Variants in SLC26A7 observed in about 807,000 individuals in gnomAD.
SLC26A7 encodes anion exchange transporter.
Under a neutral mutation model 82.5 loss-of-function variants are expected in SLC26A7, and 59 were observed. The observed-to-expected ratio is 0.72, with a 90% CI of 0.58 to 0.89. SLC26A7 has a LOEUF of 0.89. SLC26A7 is among the 40% of genes least tolerant of loss of function. The pLI, the probability that SLC26A7 is intolerant of heterozygous loss-of-function variation, is 0.00. For synonymous variants in SLC26A7, 271 were observed against 274.3 expected (o/e 0.99, Z 0.12); for missense variants, 820 against 793.0 (o/e 1.03, Z -0.41).
At chr8:91,347,879 C>CA (rs1322791758) in intron 9 of SLC26A7, among the ~76,000 whole-genome samples, 12 of 152,238 alleles carry the variant, frequency 7.9e-5, no homozygotes, top group African/African-American at 1.9e-4. Context: ...ACAAATAGCA[C>CA]AAAAAAATTA....
At chr8:91,226,706 A>T (rs185908699) in intron 2 of SLC26A7, among the ~76,000 whole-genome samples, 104 of 152,348 alleles carry the variant, frequency 6.8e-4, no homozygotes, top group African/African-American at 2.3e-3. Flanking sequence ...TAACAATATA[A>T]TGATAAGTAC....
At chr8:91,329,211 CTATT>C (rs1813011885) in intron 5 of SLC26A7, among the ~76,000 whole-genome samples, 1 of 151,462 alleles carries the variant, frequency 6.6e-6, no homozygotes, top group Non-Finnish European at 1.5e-5. Context: ...GCCTGGAACT[CTATT>C]AAATAAGCAT....
chr8:91,353,937 T>C (rs912603330), intron 11 of SLC26A7, among the ~76,000 whole-genome samples: 1 of 151,964 alleles, frequency 6.6e-6, no homozygotes, highest in African/African-American at 2.4e-5. Context: ...GGATACAACA[T>C]GACCTGGAAG....
chr8:91,373,858 C>A (rs754667105), intron 15 of SLC26A7, among the ~76,000 whole-genome samples: 16 of 151,866 alleles, frequency 1.1e-4, no homozygotes, highest in Non-Finnish European at 1.5e-4. Flanking sequence ...TGGTCCTGGA[C>A]TTCTTTTTGG....
chr8:91,375,202 A>G (rs947866547), intron 15 of SLC26A7, among the ~76,000 whole-genome samples: 1 of 152,012 alleles, frequency 6.6e-6, no homozygotes, highest in Non-Finnish European at 1.5e-5. Context: ...TTGCCAAGCC[A>G]TATCTTTTAA....
chr8:91,346,352 C>T (rs1049820025), intron 9 of SLC26A7, among the ~76,000 whole-genome samples: 3 of 151,980 alleles, frequency 2.0e-5, no homozygotes, highest in South Asian at 2.1e-4. Context: ...GACATGGTTC[C>T]GAGGAAGCAC....
intron 2 of SLC26A7, among the ~76,000 whole-genome samples, chr8:91,270,871 C>T (rs1268357377): frequency 4.6e-5 from 7 of 152,166 alleles, no homozygotes; most frequent in Non-Finnish European, 1.0e-4. Flanking sequence ...GACTGTATTA[C>T]TGGTTATCCA....
intron 2 of SLC26A7, among the ~76,000 whole-genome samples, chr8:91,257,925 AC>A (rs1440252197): frequency 2.6e-5 from 4 of 152,094 alleles, no homozygotes; most frequent in African/African-American, 9.7e-5. Context: ...CGGGAAACTT[AC>A]AATCATGGCG....
At chr8:91,386,128 A>G (rs1814793158) in intron 15 of SLC26A7, among the ~76,000 whole-genome samples, 1 of 152,158 alleles carries the variant, frequency 6.6e-6, no homozygotes. Context: ...GGGATGATTG[A>G]ACTCATGTCA....
chr8:91,221,892 T>G (rs1204302521), intron 2 of SLC26A7, among the ~76,000 whole-genome samples: 1 of 152,152 alleles, frequency 6.6e-6, no homozygotes, highest in African/African-American at 2.4e-5. Context: ...AAATAGTTTT[T>G]TTTTATTTCT....
chr8:91,280,967 A>G (rs1040924672), intron 2 of SLC26A7, among the ~76,000 whole-genome samples: 1 of 152,156 alleles, frequency 6.6e-6, no homozygotes, highest in East Asian at 1.9e-4. Context: ...GTAGTTTCCT[A>G]ACTGCTCTTT....
chr8:91,239,360 A>G (rs1470906667), intron 2 of SLC26A7, among the ~76,000 whole-genome samples: 23 of 132,082 alleles, frequency 1.7e-4, no homozygotes, highest in Admixed American at 1.1e-3. Context: ...TGGGCGACAG[A>G]GCGAGACTCC....
chr8:91,228,745 C>A (rs979435259), intron 2 of SLC26A7, among the ~76,000 whole-genome samples: 1 of 152,120 alleles, frequency 6.6e-6, no homozygotes, highest in Non-Finnish European at 1.5e-5. Context: ...CCTGTGATTT[C>A]TTTCTGGTGT....
chr8:91,314,532 T>G (rs1208783109), intron 4 of SLC26A7, among the ~76,000 whole-genome samples: 1 of 152,192 alleles, frequency 6.6e-6, no homozygotes. Context: ...CTTTCCTACT[T>G]CTCTTCTTCC....
Position 91,395,259 on chromosome 8 carries a change from C to T in SLC26A7, c.*162C>T. The T allele has an allele frequency of 7.2e-7, 1 of 1,392,236 alleles. No homozygotes were observed. 86.2% of individuals were successfully genotyped at this position (1,392,236 alleles called of 1,614,324 possible). A position where few individuals can be genotyped will look rare whatever the true frequency, so the allele number is the denominator to read the frequency against. On this transcript the variant is annotated 3_prime_UTR_variant, in exon 19 of 19. Coordinates refer to ENST00000276609, the MANE Select transcript of SLC26A7 (RefSeq NM_052832.4). ...CTGCATAGCAGTTGGAAAGAACTGC[C>T]AACTTTTTTTTCTCATTTTTGTTAG...
chr8:91,389,030 A>T (rs1814880541), intron 15 of SLC26A7, among the ~76,000 whole-genome samples: 1 of 152,208 alleles, frequency 6.6e-6, no homozygotes, highest in South Asian at 2.1e-4. Flanking sequence ...CTTGCCAGAT[A>T]TTCTTTAAAA....
chr8:91,387,192 A>G (rs1007598216), intron 15 of SLC26A7, among the ~76,000 whole-genome samples: 1 of 152,168 alleles, frequency 6.6e-6, no homozygotes, highest in African/African-American at 2.4e-5. Flanking sequence ...GTATTTTTCT[A>G]TTTCCTGCAA....
intron 15 of SLC26A7, among the ~76,000 whole-genome samples, chr8:91,378,334 A>G (rs1298208207): frequency 6.8e-6 from 1 of 148,080 alleles, no homozygotes; most frequent in Non-Finnish European, 1.5e-5. Context: ...CAAGAAATAA[A>G]TGAAATATAT....
At chr8:91,275,323 G>A (rs1324041563) in intron 2 of SLC26A7, among the ~76,000 whole-genome samples, 17 of 152,156 alleles carry the variant, frequency 1.1e-4, no homozygotes, top group Non-Finnish European at 2.9e-5. Flanking sequence ...TTTTGAGACA[G>A]TGTCTTGCTT....
Sources: allele counts gnomAD v4.1 joint callset (sites outside exome capture counted in the v4.1 genomes callset), GRCh38; gene constraint gnomAD v4.1.1; transcripts MANE v1.5; gene names NCBI Gene and HGNC (gene_info 2026-07-23, HGNC 2026-07-21).